The following IST1 variants were observed in gnomAD, a reference collection of about 807,000 sequenced individuals.
IST1 encodes the protein IST1 factor associated with ESCRT-III.
Under a neutral mutation model 37.0 loss-of-function variants are expected in IST1, and 23 were observed. That is an observed-to-expected ratio of 0.62 (90% CI 0.45 to 0.88). The LOEUF is 0.88. Ranked by LOEUF, IST1 falls within the 40% of genes least tolerant of loss-of-function variation. The pLI, the probability that IST1 is intolerant of heterozygous loss-of-function variation, is 0.00. For synonymous variants in IST1, 180 were observed against 161.7 expected, an observed-to-expected ratio of 1.11 and a Z score of -0.86; for missense variants, 488 against 445.4, an observed-to-expected ratio of 1.10 and a Z score of -0.86.
chr16:71,904,477 A>G (rs1009326419), intron 1 of IST1, among the ~76,000 whole-genome samples: 2 of 152,214 alleles, frequency 1.3e-5, no homozygotes, highest in Admixed American at 6.5e-5. Context: ...CACTTGCACA[A>G]ACATGGCTGT....
intron 1 of IST1, among the ~76,000 whole-genome samples, chr16:71,912,187 C>T (rs2037370142): frequency 6.6e-6 from 1 of 152,006 alleles, no homozygotes; most frequent in South Asian, 2.1e-4. Flanking sequence ...GTAATTTTTC[C>T]ATACAAAATA....
Position 71,930,376 on chromosome 16 carries a change from G to A in IST1, c.*2563G>A. 1 of 469,326 alleles carries A rather than the reference G, an allele frequency of 2.1e-6. No individual in the cohort carries two copies. The highest frequency in any genetic ancestry group is 5.8e-4 in the Middle Eastern group (1 of 1,716). 29.1% of individuals were successfully genotyped at this position (469,326 alleles called of 1,614,324 possible). A position where few individuals can be genotyped will look rare whatever the true frequency, so the allele number is the denominator to read the frequency against. On this transcript the variant is annotated 3_prime_UTR_variant, in exon 10 of 10. Coordinates refer to ENST00000378799, the MANE Select transcript of IST1 (RefSeq NM_001270975.2). ...GAAGAGCAGGAATGACTCATTTTAA[G>A]GAGGTTAAGATAATTGTGACTGCAG... is the stretch of plus-strand genomic sequence containing the variant.
chr16:71,911,118 A>T (rs879931609), intron 1 of IST1, among the ~76,000 whole-genome samples: 2 of 152,038 alleles, frequency 1.3e-5, no homozygotes, highest in African/African-American at 2.4e-5. Flanking sequence ...GTGTGTGCCT[A>T]TAATCTCAGT....
intron 4 of IST1, among the ~76,000 whole-genome samples, chr16:71,919,042 C>T (rs2037524420): frequency 6.6e-6 from 1 of 152,078 alleles, no homozygotes; most frequent in Non-Finnish European, 1.5e-5. Flanking sequence ...CCTACTTTGG[C>T]TTCTTTTAAT....
At chr16:71,924,381 A>G (rs919148053) in intron 8 of IST1, 34 of 376,444 alleles carry the variant, frequency 9.0e-5, no homozygotes, top group African/African-American at 5.1e-4. Flanking sequence ...AGGCTTAGGC[A>G]GGCGTTCGAG....
At position 71,921,990 on chromosome 16, in the gene IST1, A is replaced by G. The variant is rs184295400; in HGVS notation, c.553-484A>G. Among the ~76,000 whole-genome samples the G allele has an allele frequency of 2.4e-3, 372 of 152,318 alleles. 1 individual carries two copies. The highest frequency in any genetic ancestry group is 4.3e-3 in the Non-Finnish European group (290 of 68,028). Reference sequence around the variant, plus strand: ...GTCTCTACTAAAAATACAAAAAATTAGCTGGGTGTGGTGGTGGGCACCTGT... The same window carrying G: ...GTCTCTACTAAAAATACAAAAAATTGGCTGGGTGTGGTGGTGGGCACCTGT... On this transcript the variant is annotated intron_variant, in intron 6 of 9. Transcript: ENST00000378799.
intron 1 of IST1, among the ~76,000 whole-genome samples, chr16:71,896,923 C>G (rs2036984782): frequency 1.3e-5 from 2 of 151,220 alleles, no homozygotes; most frequent in South Asian, 4.2e-4. Flanking sequence ...AGTCGGTAAT[C>G]GTGCCACTGC....
chr16:71,929,496 T>C lies in IST1; in HGVS notation c.*1683T>C. On this transcript the variant is annotated 3_prime_UTR_variant, in exon 10 of 10. Transcript: ENST00000378799. ...AGCTATGCCATGCAAAGATAAGTAG[T>C]AATACGCTAATAAATACTAAGCCAA... is the stretch of plus-strand genomic sequence containing the variant. 6.6e-7 allele frequency: 1 copy of C among 1,506,214 alleles called. No individual in the cohort carries two copies. Among genetic ancestry groups the C allele is most frequent in the South Asian group, 1.3e-5 (1 of 78,042 alleles). The allele number at this position is 1,506,214 out of a possible 1,614,324, so 93.3% of individuals were successfully genotyped here. A position where few individuals can be genotyped will look rare whatever the true frequency, so the allele number is the denominator to read the frequency against.
chr16:71,896,822 A>G (rs1340821517), intron 1 of IST1, among the ~76,000 whole-genome samples: 1 of 152,116 alleles, frequency 6.6e-6, no homozygotes, highest in Admixed American at 6.6e-5. Flanking sequence ...CTCTACAAAA[A>G]TAAAAACAGC....
intron 1 of IST1, among the ~76,000 whole-genome samples, chr16:71,909,175 C>G (rs2037296340): frequency 6.9e-6 from 1 of 145,650 alleles, no homozygotes; most frequent in African/African-American, 2.6e-5. Context: ...ACATAGCTCT[C>G]TGTTGCCTCC....
intron 1 of IST1, among the ~76,000 whole-genome samples, chr16:71,897,056 G>C (rs1002620825): frequency 6.6e-5 from 10 of 151,552 alleles, no homozygotes; most frequent in Non-Finnish European, 1.5e-4. Context: ...GTCTCACTCT[G>C]TTTCCCAGGC....
intron 1 of IST1, among the ~76,000 whole-genome samples, chr16:71,904,373 C>T (rs913060232): frequency 1.3e-5 from 2 of 152,178 alleles, no homozygotes; most frequent in Admixed American, 6.6e-5. Context: ...CCACCTGCCT[C>T]GGCCTGCCAA....
At position 71,929,653 on chromosome 16, in the gene IST1, AGT is replaced by A; in HGVS notation, c.*1843_*1844del. The A allele has an allele frequency of 6.4e-7, 1 of 1,551,630 alleles. No homozygotes were observed. The highest frequency in any genetic ancestry group is 8.7e-7 in the Non-Finnish European group (1 of 1,146,796). ...TAACAAATTTGAGAGCTTCTGTAGC[AGT>A]GTATCTATTAGTGCAGCTTCTTTCT... On this transcript the variant is annotated 3_prime_UTR_variant, in exon 10 of 10. Coordinates refer to ENST00000378799, the MANE Select transcript of IST1 (RefSeq NM_001270975.2).
intron 1 of IST1, among the ~76,000 whole-genome samples, chr16:71,910,190 A>G (rs1171710386): frequency 2.6e-5 from 4 of 152,144 alleles, no homozygotes; most frequent in Non-Finnish European, 4.4e-5. Flanking sequence ...GAGTAGTTTG[A>G]TGAAATCTCG....
chr16:71,917,032 T>G lies in IST1; in HGVS notation c.270-15T>G. 1 of 1,562,748 alleles carries G rather than the reference T, an allele frequency of 6.4e-7. No homozygotes were observed. Among genetic ancestry groups the G allele is most frequent in the Non-Finnish European group, 8.7e-7 (1 of 1,144,338 alleles). ...TGTTTTAAAGAATGTTATATTAATT[T>G]TTTTCCTTGATTAGGGAACTAGATT... On this transcript the variant is annotated splice_polypyrimidine_tract_variant and intron_variant, in intron 3 of 9. Coordinates refer to ENST00000378799, the MANE Select transcript of IST1 (RefSeq NM_001270975.2).
chr16:71,922,398 C>A, intron 6 of IST1, 76 bp from the exon 7 acceptor site: 1 of 1,231,432 alleles, frequency 8.1e-7, no homozygotes, highest in Non-Finnish European at 1.2e-6. Flanking sequence ...ATGCTAATCT[C>A]CATCTCAGAC....
At chr16:71,916,128 G>A (rs991425292) in intron 2 of IST1, among the ~76,000 whole-genome samples, 8 of 152,078 alleles carry the variant, frequency 5.3e-5, no homozygotes, top group African/African-American at 1.4e-4. Context: ...TACCATGCCC[G>A]CCCTGGGATC....
intron 1 of IST1, among the ~76,000 whole-genome samples, chr16:71,912,490 G>A (rs1403410424): frequency 6.6e-6 from 1 of 152,090 alleles, no homozygotes; most frequent in Non-Finnish European, 1.5e-5. Flanking sequence ...GCCCACCTCG[G>A]CCTCCCAAAG....
intron 7 of IST1, 27 bp downstream of exon 7, chr16:71,922,707 G>C: frequency 6.4e-7 from 1 of 1,560,422 alleles, no homozygotes; most frequent in Non-Finnish European, 8.7e-7. Flanking sequence ...GTGGATGTAA[G>C]CTTTAGAAAA....
Sources: gnomAD v4.1 joint callset for allele counts (sites outside exome capture counted in the v4.1 genomes callset) on GRCh38, gnomAD v4.1.1 for gene constraint, MANE v1.5 for transcripts, NCBI Gene and HGNC (gene_info 2026-07-23, HGNC 2026-07-21) for gene names.